SGCZ: variants seen among roughly 807,000 people sequenced by gnomAD.
SGCZ encodes the protein sarcoglycan zeta.
In SGCZ, 40 loss-of-function variants were observed where a neutral mutation model predicts 41.3. The observed-to-expected ratio is 0.97, with a 90% CI of 0.75 to 1.26. The LOEUF (loss-of-function observed/expected upper bound fraction) is 1.26, where lower values mean the gene tolerates loss of function less well. Among genes scored for constraint, SGCZ ranks in the 50% most tolerant of loss-of-function variants. SGCZ has a pLI of 0.00. For missense variants in SGCZ, 552 were observed against 369.8 expected (o/e 1.49, Z -4.04); for synonymous variants, 206 against 137.5 (o/e 1.50, Z -3.49).
chr8:15,029,324 G>A (rs1300282488), intron 1 of SGCZ, among the ~76,000 whole-genome samples: 1 of 151,994 alleles, frequency 6.6e-6, no homozygotes, highest in Non-Finnish European at 1.5e-5. Flanking sequence ...ATGCCTGTAG[G>A]TGCATGTATT....
At chr8:15,221,023 T>C (rs1585688315) in intron 1 of SGCZ, among the ~76,000 whole-genome samples, 1 of 150,764 alleles carries the variant, frequency 6.6e-6, no homozygotes, top group Admixed American at 6.6e-5. Context: ...TCGGGTAGGG[T>C]ATAGGGGGAG....
chr8:14,433,322 C>T (rs62499694), intron 2 of SGCZ, among the ~76,000 whole-genome samples: 31,436 of 152,052 alleles, frequency 0.21, 3,799 homozygotes, highest in Non-Finnish European at 0.28. Context: ...ATTAAGTGTC[C>T]ACTCTGTGCT....
At chr8:14,316,812 GACACACACACAC>G (rs55956388) in intron 3 of SGCZ, among the ~76,000 whole-genome samples, 17 of 142,498 alleles carry the variant, frequency 1.2e-4, no homozygotes, top group South Asian at 4.6e-4. Flanking sequence ...ATTTATTATA[GACACACACACAC>G]ACACACACAC....
At chr8:14,486,571 T>C (rs1228377523) in intron 2 of SGCZ, among the ~76,000 whole-genome samples, 1 of 152,206 alleles carries the variant, frequency 6.6e-6, no homozygotes, top group Non-Finnish European at 1.5e-5. Context: ...GTAATGAGTG[T>C]GTGTGTGTGC....
chr8:14,320,946 A>G (rs939236152), intron 3 of SGCZ, among the ~76,000 whole-genome samples: 1 of 152,094 alleles, frequency 6.6e-6, no homozygotes, highest in South Asian at 2.1e-4. Context: ...TGACAACATG[A>G]CTACCTTGGA....
At chr8:14,650,212 A>G (rs1807352797) in intron 1 of SGCZ, among the ~76,000 whole-genome samples, 1 of 152,034 alleles carries the variant, frequency 6.6e-6, no homozygotes, top group African/African-American at 2.4e-5. Context: ...AACAGACACT[A>G]CAGCCAGCAA....
At chr8:14,626,658 G>T in intron 1 of SGCZ, among the ~76,000 whole-genome samples, 1 of 152,104 alleles carries the variant, frequency 6.6e-6, no homozygotes, top group Middle Eastern at 3.4e-3. Context: ...GAAGACACAG[G>T]GAAAATATCA....
chr8:14,166,643 T>C (rs985476841), intron 4 of SGCZ, among the ~76,000 whole-genome samples: 1 of 152,142 alleles, frequency 6.6e-6, no homozygotes, highest in Non-Finnish European at 1.5e-5. Flanking sequence ...TTTAATGGCA[T>C]AGATGTACAT....
At chr8:14,617,823 T>A (rs1350515010) in intron 1 of SGCZ, among the ~76,000 whole-genome samples, 2 of 147,918 alleles carry the variant, frequency 1.4e-5, no homozygotes, top group Non-Finnish European at 3.0e-5. Flanking sequence ...GATGGAAAAG[T>A]AAGTTTTTAT....
chr8:14,336,474 C>G (rs1487909822), intron 2 of SGCZ, among the ~76,000 whole-genome samples: 1 of 152,146 alleles, frequency 6.6e-6, no homozygotes, highest in Non-Finnish European at 1.5e-5. Flanking sequence ...ATTTCTAGAT[C>G]TAATGACAGT....
rs189237778 is a variant in SGCZ, at chr8:14,562,383, A to G, written c.40-7457T>C. On this transcript the variant is annotated intron_variant, in intron 1 of 7. Coordinates refer to ENST00000382080, the MANE Select transcript of SGCZ (RefSeq NM_139167.4). ...CGTTTGACGAAAACACAATATGTGC[A>G]TAGAAAAATAAATAACAACATTATC... 5.7e-4 allele frequency among the ~76,000 whole-genome samples: 87 copies of G among 152,296 alleles called. No homozygotes were observed. In the East Asian group the frequency reaches 0.011, roughly 19 times the overall value.
intron 3 of SGCZ, among the ~76,000 whole-genome samples, chr8:14,308,694 G>A (rs1266855928): frequency 6.6e-6 from 1 of 152,024 alleles, no homozygotes; most frequent in Non-Finnish European, 1.5e-5. Flanking sequence ...ATTTTAGTAT[G>A]AAGATACCGT....
chr8:14,893,892 T>C (rs1805107642), intron 1 of SGCZ, among the ~76,000 whole-genome samples: 1 of 152,162 alleles, frequency 6.6e-6, no homozygotes, highest in Non-Finnish European at 1.5e-5. Flanking sequence ...CTTTACTTAG[T>C]AACTTTGGCT....
At chr8:14,514,790 T>C (rs1189769661) in intron 2 of SGCZ, among the ~76,000 whole-genome samples, 3 of 38,154 alleles carry the variant, frequency 7.9e-5, no homozygotes, top group African/African-American at 1.8e-4. Context: ...TAAATGTGTG[T>C]GTGTGTGTGT....
intron 2 of SGCZ, among the ~76,000 whole-genome samples, chr8:14,441,403 C>G (rs923488533): frequency 2.0e-5 from 3 of 151,940 alleles, no homozygotes; most frequent in Non-Finnish European, 4.4e-5. Context: ...GGTGAAACCC[C>G]GTCTCTACTG....
chr8:14,096,699 C>T (rs1025018397), intron 7 of SGCZ, among the ~76,000 whole-genome samples: 1 of 152,054 alleles, frequency 6.6e-6, no homozygotes, highest in African/African-American at 2.4e-5. Context: ...TTCTTTGTAC[C>T]TCTGGTAGAA....
chr8:14,677,167 A>G (rs1808304324), intron 1 of SGCZ, among the ~76,000 whole-genome samples: 1 of 152,110 alleles, frequency 6.6e-6, no homozygotes, highest in African/African-American at 2.4e-5. Flanking sequence ...TATGCCAGCA[A>G]TGAGAAAGTG....
At chr8:14,771,757 T>C (rs1800247106) in intron 1 of SGCZ, among the ~76,000 whole-genome samples, 1 of 152,252 alleles carries the variant, frequency 6.6e-6, no homozygotes, top group East Asian at 1.9e-4. Flanking sequence ...TCCATTTATT[T>C]TGGGGGGTAA....
intron 1 of SGCZ, among the ~76,000 whole-genome samples, chr8:15,126,079 G>T (rs2116961582): frequency 6.6e-6 from 1 of 152,298 alleles, no homozygotes; most frequent in East Asian, 1.9e-4. Flanking sequence ...CCTGGAGGCG[G>T]AGGCTGCAGT....
Sources: allele counts gnomAD v4.1 joint callset (sites outside exome capture counted in the v4.1 genomes callset), GRCh38; gene constraint gnomAD v4.1.1; transcripts MANE v1.5; gene names NCBI Gene and HGNC (gene_info 2026-07-23, HGNC 2026-07-21).